Variants in OSBPL10 observed in about 807,000 individuals in gnomAD.
The protein encoded by OSBPL10 is oxysterol-binding protein-related protein 10.
OSBPL10 carries 49 observed loss-of-function variants against 81.7 expected under a neutral mutation model. The ratio of observed to expected loss-of-function variants is 0.60; its 90% CI spans 0.48 to 0.76. The LOEUF (loss-of-function observed/expected upper bound fraction) is 0.76, where lower values mean the gene tolerates loss of function less well. Ranked by LOEUF, OSBPL10 falls within the 30% of genes least tolerant of loss-of-function variation. The pLI is 0.00. For missense variants in OSBPL10, 923 were observed against 987.8 expected (o/e 0.93, Z 0.88); for synonymous variants, 419 against 383.6 (o/e 1.09, Z -1.08).
At chr3:31,751,611 A>G (rs934307925) in intron 4 of OSBPL10, among the ~76,000 whole-genome samples, 2 of 152,202 alleles carry the variant, frequency 1.3e-5, no homozygotes, top group African/African-American at 4.8e-5. Flanking sequence ...AAATGCTAAC[A>G]GTGCCCCTTG....
At chr3:31,970,341 C>A (rs1284657872) in intron 1 of OSBPL10, among the ~76,000 whole-genome samples, 1 of 152,176 alleles carries the variant, frequency 6.6e-6, no homozygotes, top group Admixed American at 6.5e-5. Context: ...GGCCTTCATC[C>A]CAGTCACCTC....
chr3:31,937,793 A>G (rs77182991), intron 1 of OSBPL10, among the ~76,000 whole-genome samples: 258 of 152,280 alleles, frequency 1.7e-3, no homozygotes, highest in African/African-American at 5.8e-3. Flanking sequence ...GCTGTTTCCA[A>G]TATAAGACTC....
upstream of OSBPL10, among the ~76,000 whole-genome samples, chr3:31,981,524 CCCT>C (rs1698844053): frequency 6.6e-6 from 1 of 152,156 alleles, no homozygotes; most frequent in South Asian, 2.1e-4. This position sits in a 1 kb window ranked among gnomAD's most constrained non-coding sequence, Gnocchi z 4.5. Context: ...GCCTCTCAGG[CCCT>C]CGGGACACTC....
intron 4 of OSBPL10, among the ~76,000 whole-genome samples, chr3:31,815,127 C>G (rs1259822240): frequency 1.3e-5 from 2 of 150,648 alleles, no homozygotes; most frequent in African/African-American, 4.9e-5. Flanking sequence ...GCCCTGAGAC[C>G]ACATGAACAC....
chr3:31,923,257 ATTGTCCCTGGTTAACATATGGCTG>A (rs1175167489), intron 1 of OSBPL10, among the ~76,000 whole-genome samples: 6 of 152,160 alleles, frequency 3.9e-5, no homozygotes, highest in African/African-American at 1.4e-4. Context: ...GTTAATTAAC[ATTGTCCCTGGTTAACATATGGCTG>A]TTGTCCCTGG....
At chr3:31,836,382 C>A (rs534200471) in intron 3 of OSBPL10, among the ~76,000 whole-genome samples, 1 of 152,316 alleles carries the variant, frequency 6.6e-6, no homozygotes, top group South Asian at 2.1e-4. Flanking sequence ...TGTCCTGAAT[C>A]TATGAGTATG....
chr3:31,898,531 G>A (rs1424156792), intron 1 of OSBPL10, among the ~76,000 whole-genome samples: 4 of 150,960 alleles, frequency 2.6e-5, no homozygotes, highest in Non-Finnish European at 5.9e-5. Flanking sequence ...GATCATTTGA[G>A]CCCAGGAGTT....
chr3:31,732,967 C>T (rs1575507495), intron 6 of OSBPL10: 9 of 441,328 alleles, frequency 2.0e-5, no homozygotes, highest in African/African-American at 6.2e-5. Flanking sequence ...ACCATGTTAA[C>T]GGGTCTGTTC....
intron 4 of OSBPL10, among the ~76,000 whole-genome samples, chr3:31,826,108 T>C (rs1559481772): frequency 6.6e-6 from 1 of 152,190 alleles, no homozygotes; most frequent in East Asian, 1.9e-4. Flanking sequence ...CTAGCCCCAG[T>C]TCCATAAATT....
intron 1 of OSBPL10, among the ~76,000 whole-genome samples, chr3:32,060,357 CT>C (rs1699744949): frequency 6.6e-6 from 1 of 152,168 alleles, no homozygotes; most frequent in South Asian, 2.1e-4. Flanking sequence ...CTCCAATAAG[CT>C]CATCCATCTT....
chr3:31,683,980 C>G lies in OSBPL10; in HGVS notation c.1380G>C (p.Glu460Asp). ...TPEERVICFV[E>D]YYLTAFHEGR... ...CCTCGTGAAAGGCTGTGAGATAATACTCAACGAAGCAAATGACTCTCTCCT... is the reference window on the plus strand; with the variant it reads ...CCTCGTGAAAGGCTGTGAGATAATAGTCAACGAAGCAAATGACTCTCTCCT... Residue 460 changes from glutamate to aspartate, a missense_variant, in exon 8 of 12, where the codon GAG (glutamate) becomes GAC (aspartate). Physicochemically the swap from Glu to Asp is conservative, Grantham distance 45 (BLOSUM62 2). Around this residue, in one of 3 missense-constraint regions of OSBPL10, gnomAD observed 387 missense variants for 436.3 expected, o/e 0.89. Transcript: ENST00000396556. 4 of 1,614,258 alleles carry G rather than the reference C, an allele frequency of 2.5e-6. No individual in the cohort carries two copies. The highest frequency in any genetic ancestry group is 1.7e-5 in the Admixed American group (1 of 60,034).
chr3:32,018,975 A>G (rs1699338757), intron 2 of OSBPL10, among the ~76,000 whole-genome samples: 1 of 152,202 alleles, frequency 6.6e-6, no homozygotes, highest in Non-Finnish European at 1.5e-5. Context: ...AATGAGAAAA[A>G]TGAAGAGGAC....
intron 7 of OSBPL10, among the ~76,000 whole-genome samples, chr3:31,698,348 G>C (rs1392132195): frequency 6.6e-6 from 1 of 152,022 alleles, no homozygotes; most frequent in Non-Finnish European, 1.5e-5. Flanking sequence ...CTATTTGGGA[G>C]GCTGAGGCAG....
rs1270463379 is a variant in OSBPL10 at position 31,833,699 on chromosome 3, G to GCACA, written c.538-3472_538-3469dup. 4.7e-3 allele frequency among the ~76,000 whole-genome samples: 560 copies of GCACA among 118,856 alleles called. 10 individuals are homozygous for GCACA. The East Asian group carries it at 0.06, about 13-fold the overall frequency. 78.0% of individuals were successfully genotyped at this position (118,856 alleles called of 152,430 possible). A position where few individuals can be genotyped will look rare whatever the true frequency, so the allele number is the denominator to read the frequency against. On this transcript the variant is annotated intron_variant, in intron 3 of 11. Coordinates refer to ENST00000396556, the MANE Select transcript of OSBPL10 (RefSeq NM_017784.5). ...AAGATTGTAGGGAAAACACGCACAC[G>GCACA]CACACGCACACACACACACACACAC...
chr3:31,755,219 A>G (rs1348864004), intron 4 of OSBPL10, among the ~76,000 whole-genome samples: 2 of 152,274 alleles, frequency 1.3e-5, no homozygotes, highest in East Asian at 3.9e-4. Flanking sequence ...GCTCATGCCC[A>G]TAGCTGCACC....
chr3:31,974,788 T>A (rs1162851562), intron 1 of OSBPL10, among the ~76,000 whole-genome samples: 1 of 152,216 alleles, frequency 6.6e-6, no homozygotes, highest in Non-Finnish European at 1.5e-5. Context: ...TTTCTTAATC[T>A]GGGTGTGTTC....
chr3:31,753,151 G>A (rs953532520), intron 4 of OSBPL10, among the ~76,000 whole-genome samples: 3 of 150,874 alleles, frequency 2.0e-5, no homozygotes, highest in African/African-American at 4.9e-5. Flanking sequence ...CTTGGCCAAT[G>A]TCCTCACCTA....
chr3:31,838,995 G>A (rs543720552), intron 3 of OSBPL10, among the ~76,000 whole-genome samples: 1 of 152,248 alleles, frequency 6.6e-6, no homozygotes, highest in African/African-American at 2.4e-5. Context: ...TCCCCTCAAG[G>A]ATGGCCTTTC....
chr3:31,821,461 G>T (rs1220131371), intron 4 of OSBPL10, among the ~76,000 whole-genome samples: 1 of 152,070 alleles, frequency 6.6e-6, no homozygotes, highest in Non-Finnish European at 1.5e-5. Flanking sequence ...AAGTAAATCT[G>T]CTCTCATAAA....
Sources: allele counts gnomAD v4.1 joint callset (sites outside exome capture counted in the v4.1 genomes callset), GRCh38; gene constraint gnomAD v4.1.1; regional missense constraint gnomAD v4.1.1; non-coding constraint Gnocchi (gnomAD v3.1); transcripts MANE v1.5; gene names NCBI Gene and HGNC (gene_info 2026-07-23, HGNC 2026-07-21).